The following NKAIN2 variants were observed in gnomAD, a reference collection of about 807,000 sequenced individuals.
NKAIN2 encodes sodium/potassium transporting ATPase interacting 2.
In NKAIN2, 14 loss-of-function variants were observed where a neutral mutation model predicts 32.6. The observed-to-expected ratio is 0.43, with a 90% confidence interval of 0.28 to 0.67. The LOEUF is 0.67. Among genes scored for constraint, NKAIN2 ranks in the 30% least tolerant of loss-of-function variants. NKAIN2 has a pLI of 0.17. For missense variants in NKAIN2, 198 were observed against 258.3 expected (o/e 0.77, Z 1.60); for synonymous variants, 80 against 87.2 (o/e 0.92, Z 0.46).
chr6:124,036,111 G>A (rs566867322), intron 1 of NKAIN2, among the ~76,000 whole-genome samples: 1 of 152,148 alleles, frequency 6.6e-6, no homozygotes, highest in Admixed American at 6.6e-5. Context: ...CAACCCACAT[G>A]TTATATCCAT....
chr6:123,892,953 G>A (rs927361039), intron 1 of NKAIN2, among the ~76,000 whole-genome samples: 3 of 151,504 alleles, frequency 2.0e-5, no homozygotes, highest in Non-Finnish European at 4.4e-5. Flanking sequence ...GCAACAAGCA[G>A]AAGGCAAAAT....
At chr6:124,137,511 A>G (rs1277934692) in intron 1 of NKAIN2, among the ~76,000 whole-genome samples, 1 of 152,088 alleles carries the variant, frequency 6.6e-6, no homozygotes, top group Non-Finnish European at 1.5e-5. Context: ...AAAAAAAACT[A>G]TTCTAAAATT....
chr6:123,821,405 C>G (rs141040708), intron 1 of NKAIN2, among the ~76,000 whole-genome samples: 1 of 152,122 alleles, frequency 6.6e-6, no homozygotes, highest in African/African-American at 2.4e-5. Flanking sequence ...ATGGACAGTG[C>G]AAAGGGAATC....
intron 5 of NKAIN2, 22 bp downstream of exon 5, chr6:124,791,421 T>C: frequency 2.6e-6 from 4 of 1,547,550 alleles, no homozygotes; most frequent in Non-Finnish European, 2.7e-6. Flanking sequence ...AGCTCTATTC[T>C]GTTTCTTTCA....
intron 4 of NKAIN2, among the ~76,000 whole-genome samples, chr6:124,751,200 G>A (rs553922215): frequency 3.9e-4 from 60 of 152,118 alleles, no homozygotes; most frequent in African/African-American, 4.8e-5. Context: ...ATAGAAACTG[G>A]GAGATAGGGG....
At chr6:124,439,532 A>G (rs1775603135) in intron 3 of NKAIN2, among the ~76,000 whole-genome samples, 1 of 151,596 alleles carries the variant, frequency 6.6e-6, no homozygotes, top group African/African-American at 2.4e-5. Context: ...CTTTCCCACT[A>G]TCCTTAGGGT....
intron 3 of NKAIN2, among the ~76,000 whole-genome samples, chr6:124,654,613 ACT>A (rs1784474469): frequency 6.6e-6 from 1 of 152,176 alleles, no homozygotes; most frequent in Admixed American, 6.6e-5. Context: ...TCAGAATGTG[ACT>A]TCATGTGGAA....
intron 1 of NKAIN2, among the ~76,000 whole-genome samples, chr6:123,952,668 C>A (rs1238702904): frequency 6.6e-6 from 1 of 151,952 alleles, no homozygotes; most frequent in African/African-American, 2.4e-5. Context: ...TTGATTTAGT[C>A]TATTGTTGTT....
At chr6:124,239,584 A>G (rs1206155883) in intron 1 of NKAIN2, among the ~76,000 whole-genome samples, 2 of 152,214 alleles carry the variant, frequency 1.3e-5, no homozygotes, top group Non-Finnish European at 2.9e-5. Context: ...ACTCAGGATT[A>G]AGAAACTCAC....
chr6:124,671,276 T>A (rs755249094), intron 4 of NKAIN2, among the ~76,000 whole-genome samples: 20 of 152,130 alleles, frequency 1.3e-4, no homozygotes, highest in Non-Finnish European at 2.6e-4. Context: ...CAACCTCTGG[T>A]TGAAAACAAT....
chr6:124,543,132 C>T (rs925484207), intron 3 of NKAIN2, among the ~76,000 whole-genome samples: 1 of 152,044 alleles, frequency 6.6e-6, no homozygotes, highest in African/African-American at 2.4e-5. Flanking sequence ...GGATATTTTC[C>T]TTCATGTTTA....
intron 3 of NKAIN2, among the ~76,000 whole-genome samples, chr6:124,460,887 C>T (rs558627234): frequency 4.6e-5 from 7 of 151,648 alleles, no homozygotes; most frequent in Admixed American, 1.3e-4. Context: ...TTCTGTTTAA[C>T]TTAACCACAC....
intron 1 of NKAIN2, among the ~76,000 whole-genome samples, chr6:124,006,710 A>G (rs765574554): frequency 2.0e-5 from 3 of 152,124 alleles, no homozygotes; most frequent in Non-Finnish European, 4.4e-5. Flanking sequence ...TGGACCAGGC[A>G]GGATGCTGTA....
At chr6:123,969,974 AAT>A (rs1215745768) in intron 1 of NKAIN2, among the ~76,000 whole-genome samples, 1 of 152,202 alleles carries the variant, frequency 6.6e-6, no homozygotes, top group African/African-American at 2.4e-5. Context: ...AGGATAAAAT[AAT>A]ATGTCTTAGG....
intron 1 of NKAIN2, among the ~76,000 whole-genome samples, chr6:124,158,407 G>A (rs1788095454): frequency 6.6e-6 from 1 of 152,092 alleles, no homozygotes; most frequent in South Asian, 2.1e-4. Flanking sequence ...GATTTTGTGG[G>A]GATGTAATTC....
At chr6:124,505,980 T>C (rs1778462285) in intron 3 of NKAIN2, among the ~76,000 whole-genome samples, 1 of 152,038 alleles carries the variant, frequency 6.6e-6, no homozygotes, top group African/African-American at 2.4e-5. Context: ...GAGACCATCC[T>C]GGCTAACACG....
chr6:124,546,573 A>G (rs931396197), intron 3 of NKAIN2, among the ~76,000 whole-genome samples: 1 of 151,860 alleles, frequency 6.6e-6, no homozygotes, highest in Non-Finnish European at 1.5e-5. Context: ...ATAGATTTAT[A>G]TATATATATC....
At chr6:124,794,885 AG>A (rs1779931574) in intron 5 of NKAIN2, 1 of 953,810 alleles carries the variant, frequency 1.0e-6, no homozygotes, top group African/African-American at 1.8e-5. Flanking sequence ...AGAGTAAAAA[AG>A]GTTTGACATT....
intron 4 of NKAIN2, among the ~76,000 whole-genome samples, chr6:124,763,835 T>A (rs867170770): frequency 2.7e-4 from 41 of 152,180 alleles, no homozygotes; most frequent in African/African-American, 9.4e-4. Flanking sequence ...TGTATATAAT[T>A]TAAAAATAAA....
Sources: gnomAD v4.1 joint callset for allele counts (sites outside exome capture counted in the v4.1 genomes callset) on GRCh38, gnomAD v4.1.1 for gene constraint, MANE v1.5 for transcripts, NCBI Gene and HGNC (gene_info 2026-07-23, HGNC 2026-07-21) for gene names.